ZNF516: variants seen among roughly 807,000 people sequenced by gnomAD.
ZNF516 encodes zinc finger protein 516.
In ZNF516, 19 loss-of-function variants were observed where a neutral mutation model predicts 79.7. The observed-to-expected ratio is 0.24, with a 90% confidence interval of 0.17 to 0.35. The LOEUF (loss-of-function observed/expected upper bound fraction) is 0.35, where lower values mean the gene tolerates loss of function less well. ZNF516 is among the 10% of genes least tolerant of loss of function. ZNF516 has a pLI of 1.00. For missense variants in ZNF516, 1,678 were observed against 1,679.5 expected (o/e 1.00, Z 0.02); for synonymous variants, 877 against 739.5 (o/e 1.19, Z -3.02).
chr18:76,443,301 T>G, intron 2 of ZNF516, 90 bp from the exon 3 acceptor site: 2 of 509,312 alleles, frequency 3.9e-6, no homozygotes, highest in Non-Finnish European at 6.8e-6. Flanking sequence ...CCCCAAAACA[T>G]ACCCATCCAA....
rs1223384456 is a variant in ZNF516 at position 76,370,653 on chromosome 18, T to G, written c.3365-58A>C. 4 of 1,437,432 alleles carry G rather than the reference T, an allele frequency of 2.8e-6. No individual in the cohort carries two copies. The East Asian group carries it at 1.0e-4, about 36-fold the overall frequency. 89.0% of individuals were successfully genotyped at this position (1,437,432 alleles called of 1,614,324 possible). On this transcript the variant is annotated intron_variant, in intron 5 of 6. Transcript: ENST00000443185. ...CGTGTGAGCTTCCGGACGTGCACATTAAATGAGTCCATTACAGATTAAGTA... is the reference window on the plus strand; with the variant it reads ...CGTGTGAGCTTCCGGACGTGCACATGAAATGAGTCCATTACAGATTAAGTA...
chr18:76,490,721 G>A (rs1915126712), intron 1 of ZNF516: 5 of 964,262 alleles, frequency 5.2e-6, no homozygotes, highest in South Asian at 4.8e-5. Context: ...GCTGACGGGG[G>A]CAATGCCTTT....
At chr18:76,480,098 C>A (rs1914415087) in intron 1 of ZNF516, among the ~76,000 whole-genome samples, 1 of 142,420 alleles carries the variant, frequency 7.0e-6, no homozygotes. Flanking sequence ...CCAAGTGGGG[C>A]TGGCCCAAAC....
intron 4 of ZNF516, 27 bp downstream of exon 4, chr18:76,378,827 TG>T (rs768817262): frequency 2.5e-5 from 40 of 1,596,176 alleles, no homozygotes; most frequent in Non-Finnish European, 3.3e-5. Context: ...ACATGTGGCC[TG>T]GGGAAGAGAG....
At chr18:76,455,359 G>GCA (rs1322714993) in intron 2 of ZNF516, among the ~76,000 whole-genome samples, 1 of 152,148 alleles carries the variant, frequency 6.6e-6, no homozygotes, top group Non-Finnish European at 1.5e-5. Context: ...CAACCTGGAG[G>GCA]CACACAGCAA....
intron 1 of ZNF516, among the ~76,000 whole-genome samples, chr18:76,484,727 T>C (rs192527692): frequency 3.3e-4 from 51 of 152,306 alleles, no homozygotes; most frequent in Admixed American, 2.2e-3. Flanking sequence ...ACATATAAAA[T>C]CCCAAATTCT....
intron 1 of ZNF516, among the ~76,000 whole-genome samples, chr18:76,470,340 T>G (rs1274668337): frequency 6.6e-6 from 1 of 152,100 alleles, no homozygotes; most frequent in Admixed American, 6.5e-5. Flanking sequence ...TATAGAAAAG[T>G]TCCATGAAGG....
intron 3 of ZNF516, chr18:76,385,776 G>GCGC (rs756246422): frequency 1.0e-4 from 15 of 146,856 alleles, no homozygotes; most frequent in African/African-American, 3.8e-4. Flanking sequence ...CCACTGCACT[G>GCGC]CCCCCCCCCC....
At chr18:76,380,497 G>A (rs2074873987) in intron 3 of ZNF516, among the ~76,000 whole-genome samples, 194 bp from the exon 4 acceptor site, 2 of 152,038 alleles carry the variant, frequency 1.3e-5, no homozygotes, top group Non-Finnish European at 2.9e-5. Flanking sequence ...AGTCAGGCAG[G>A]ACTTCTTTTC....
intron 6 of ZNF516, among the ~76,000 whole-genome samples, chr18:76,365,323 CT>C (rs1568227872): frequency 1.3e-5 from 2 of 152,302 alleles, no homozygotes; most frequent in African/African-American, 4.8e-5. Context: ...ACATTCTGGT[CT>C]TTCAATAAAT....
intron 3 of ZNF516, among the ~76,000 whole-genome samples, chr18:76,406,500 G>T (rs547094013): frequency 1.6e-3 from 245 of 152,316 alleles, no homozygotes; most frequent in African/African-American, 5.7e-3. Context: ...GGAGACGGAG[G>T]TTGCAGTGAG....
chr18:76,397,958 C>G (rs1164936619), intron 3 of ZNF516, among the ~76,000 whole-genome samples: 64 of 152,264 alleles, frequency 4.2e-4, no homozygotes, highest in Non-Finnish European at 2.1e-4. Flanking sequence ...GAATTTCTGA[C>G]TAGACAAATT....
chr18:76,462,031 C>A (rs1033444785), intron 2 of ZNF516, among the ~76,000 whole-genome samples: 4 of 152,258 alleles, frequency 2.6e-5, no homozygotes, highest in African/African-American at 9.6e-5. Context: ...TCCCACCCTT[C>A]CCACATCCGG....
At chr18:76,390,162 G>C (rs1262797768) in intron 3 of ZNF516, among the ~76,000 whole-genome samples, 1 of 152,182 alleles carries the variant, frequency 6.6e-6, no homozygotes, top group African/African-American at 2.4e-5. Context: ...GGACCCCGGA[G>C]GCCTGTGCAT....
chr18:76,404,441 G>C (rs934050945), intron 3 of ZNF516, among the ~76,000 whole-genome samples: 2 of 151,840 alleles, frequency 1.3e-5, no homozygotes, highest in African/African-American at 4.9e-5. Context: ...ACGTGTAAGA[G>C]TGTGCATGTG....
At chr18:76,438,071 G>A (rs559157443) in intron 3 of ZNF516, among the ~76,000 whole-genome samples, 1 of 152,370 alleles carries the variant, frequency 6.6e-6, no homozygotes, top group Non-Finnish European at 1.5e-5. Context: ...TGAATGATAT[G>A]CAGCTCAACG....
intron 3 of ZNF516, chr18:76,387,047 G>C (rs1204032120): frequency 6.6e-6 from 1 of 152,366 alleles, no homozygotes; most frequent in East Asian, 1.9e-4. Flanking sequence ...CATCGCTGGA[G>C]TCCCTGCCAC....
chr18:76,363,853 G>A (rs1464179770), intron 6 of ZNF516, among the ~76,000 whole-genome samples: 4 of 152,188 alleles, frequency 2.6e-5, no homozygotes, highest in African/African-American at 7.2e-5. Context: ...TGGGTGTTTG[G>A]CCTTGACCGT....
chr18:76,426,961 G>T (rs1007603707), intron 3 of ZNF516, among the ~76,000 whole-genome samples: 1 of 152,140 alleles, frequency 6.6e-6, no homozygotes, highest in Non-Finnish European at 1.5e-5. Context: ...TTTCCTTTCC[G>T]TATGGACAGG....
Sources: allele counts gnomAD v4.1 joint callset (sites outside exome capture counted in the v4.1 genomes callset), GRCh38; gene constraint gnomAD v4.1.1; transcripts MANE v1.5; gene names NCBI Gene and HGNC (gene_info 2026-07-23, HGNC 2026-07-21).